The following PTK2B variants were observed in gnomAD, a reference collection of about 807,000 sequenced individuals.
The protein encoded by PTK2B is protein tyrosine kinase 2 beta, also known as protein-tyrosine kinase 2-beta.
A neutral mutation model predicts 142.9 loss-of-function variants in PTK2B; 71 were observed. The ratio of observed to expected loss-of-function variants is 0.50; its 90% CI spans 0.41 to 0.61. The LOEUF (loss-of-function observed/expected upper bound fraction) is 0.61. Ranked by LOEUF, PTK2B falls within the 20% of genes least tolerant of loss-of-function variation. PTK2B has a pLI of 0.00. For synonymous variants in PTK2B, 519 were observed against 503.4 expected, an observed-to-expected ratio of 1.03 and a Z score of -0.42; for missense variants, 1,105 against 1,320.4, an observed-to-expected ratio of 0.84 and a Z score of 2.53.
chr8:27,379,084 G>A (rs1333405068), intron 1 of PTK2B, among the ~76,000 whole-genome samples: 1 of 152,200 alleles, frequency 6.6e-6, no homozygotes, highest in Non-Finnish European at 1.5e-5. Flanking sequence ...CATGGGGAAT[G>A]TCAGTGCTTG....
At chr8:27,386,635 T>G (rs2131229725) in intron 1 of PTK2B, among the ~76,000 whole-genome samples, 1 of 152,318 alleles carries the variant, frequency 6.6e-6, no homozygotes, top group East Asian at 1.9e-4. Flanking sequence ...CAATTTGCAT[T>G]AAAATGAAAA....
Position 27,433,372 on chromosome 8 carries a change from C to T in PTK2B, c.988-63C>T, listed in dbSNP as rs550722539. 596 of 1,420,268 alleles carry T rather than the reference C, an allele frequency of 4.2e-4. 10 individuals carry two copies. In the South Asian group the frequency reaches 4.5e-3, roughly 11 times the overall value. The allele number at this position is 1,420,268 out of a possible 1,614,324, so 88.0% of individuals were successfully genotyped here. A position where few individuals can be genotyped will look rare whatever the true frequency, so the allele number is the denominator to read the frequency against. On this transcript the variant is annotated intron_variant, in intron 10 of 30. Coordinates refer to ENST00000346049, the MANE Select transcript of PTK2B (RefSeq NM_173176.3). Reference sequence around the variant, plus strand: ...AGGGGTCCTGCCATCTCTTCTCCAGCCCTGGGGGTGGTCTCTAGCCAAGGC... The same window carrying T: ...AGGGGTCCTGCCATCTCTTCTCCAGTCCTGGGGGTGGTCTCTAGCCAAGGC...
chr8:27,331,817 T>G (rs1310264905), intron 1 of PTK2B, among the ~76,000 whole-genome samples: 1 of 152,234 alleles, frequency 6.6e-6, no homozygotes, highest in Admixed American at 6.5e-5. Flanking sequence ...TTCTGATTTC[T>G]AAATTAATGT....
chr8:27,387,761 A>G (rs926132372), intron 1 of PTK2B, among the ~76,000 whole-genome samples: 1 of 151,076 alleles, frequency 6.6e-6, no homozygotes, highest in African/African-American at 2.4e-5. Flanking sequence ...CCTAAATCCT[A>G]TTTTTTAATC....
chr8:27,334,439 C>G (rs1199030790), intron 1 of PTK2B, among the ~76,000 whole-genome samples: 1 of 152,192 alleles, frequency 6.6e-6, no homozygotes, highest in African/African-American at 2.4e-5. Flanking sequence ...CCATGCACTT[C>G]ACCAGTCCTA....
At chr8:27,433,718 C>T (rs1810589582) in intron 11 of PTK2B, among the ~76,000 whole-genome samples, 166 bp downstream of exon 11, 1 of 152,250 alleles carries the variant, frequency 6.6e-6, no homozygotes, top group East Asian at 1.9e-4. Context: ...GCTTTAAGCC[C>T]TGGCCGGTCC....
chr8:27,325,771 G>C (rs1326909994), intron 1 of PTK2B, 90 bp downstream of exon 1: 1 of 152,356 alleles, frequency 6.6e-6, no homozygotes, highest in Non-Finnish European at 1.5e-5. Context: ...ACAATTCCGG[G>C]ATCCTGGGCA....
chr8:27,429,096 A>G (rs373406635), intron 5 of PTK2B, among the ~76,000 whole-genome samples: 3 of 152,122 alleles, frequency 2.0e-5, no homozygotes, highest in African/African-American at 7.2e-5. Flanking sequence ...TAGTAGAGAC[A>G]AGGTTTCACC....
intron 5 of PTK2B, among the ~76,000 whole-genome samples, chr8:27,427,279 T>A (rs547944968): frequency 2.2e-3 from 331 of 152,350 alleles, no homozygotes; most frequent in Non-Finnish European, 2.9e-3. Context: ...CAAGCCAGCC[T>A]AAGGGTCTCT....
intron 1 of PTK2B, among the ~76,000 whole-genome samples, chr8:27,372,519 C>T (rs1038525061): frequency 6.6e-6 from 1 of 152,166 alleles, no homozygotes; most frequent in South Asian, 2.1e-4. Context: ...GGCCCATTCT[C>T]GTTAGGGAGG....
At chr8:27,333,419 G>A (rs967763325) in intron 1 of PTK2B, among the ~76,000 whole-genome samples, 3 of 152,158 alleles carry the variant, frequency 2.0e-5, no homozygotes, top group Non-Finnish European at 4.4e-5. Context: ...GAGTGGATGA[G>A]AGTGAAGAGA....
At chr8:27,356,597 G>A (rs1260977061) in intron 1 of PTK2B, among the ~76,000 whole-genome samples, 1 of 152,216 alleles carries the variant, frequency 6.6e-6, no homozygotes, top group East Asian at 1.9e-4. Context: ...GAATTCTGAA[G>A]GCTCTGCAGC....
At chr8:27,382,311 T>C (rs747550361) in intron 1 of PTK2B, among the ~76,000 whole-genome samples, 2 of 152,188 alleles carry the variant, frequency 1.3e-5, no homozygotes, top group Non-Finnish European at 2.9e-5. Context: ...ATTATTATTA[T>C]TTACCATTGA....
intron 5 of PTK2B, among the ~76,000 whole-genome samples, chr8:27,429,786 G>C (rs1181320410): frequency 6.6e-6 from 1 of 152,172 alleles, no homozygotes; most frequent in Admixed American, 6.5e-5. Flanking sequence ...AGCATTGGCT[G>C]CCTTGGGCCT....
At chr8:27,419,257 C>A (rs961050403) in intron 2 of PTK2B, among the ~76,000 whole-genome samples, 1 of 152,182 alleles carries the variant, frequency 6.6e-6, no homozygotes, top group African/African-American at 2.4e-5. Context: ...TGTCCTTGCT[C>A]ATGTGGGGAT....
At position 27,363,315 on chromosome 8, in the gene PTK2B, T is replaced by A. The variant is rs373423289; in HGVS notation, c.-37-34233T>A. 1.3e-5 allele frequency among the ~76,000 whole-genome samples: 2 copies of A among 152,274 alleles called. No individual in the cohort carries two copies. The highest frequency in any genetic ancestry group is 1.3e-4 in the Admixed American group (2 of 15,302). On this transcript the variant is annotated intron_variant, in intron 1 of 30. Transcript: ENST00000346049. The surrounding 1 kb of genome is among the most constrained non-coding windows in gnomAD (Gnocchi z 4.3). ...GGAAGGCCTGGGAGAGCAGAGGAGC[T>A]GTTTTCCACTAGTGAAAGGTCAGGA... is the stretch of plus-strand genomic sequence containing the variant.
chr8:27,344,910 T>C (rs1363056266), intron 1 of PTK2B, among the ~76,000 whole-genome samples: 3 of 111,818 alleles, frequency 2.7e-5, no homozygotes, highest in Non-Finnish European at 5.7e-5. Context: ...TGGTGGCTCA[T>C]ACCTGTAATC....
At chr8:27,400,843 C>T (rs189437626) in intron 2 of PTK2B, among the ~76,000 whole-genome samples, 5 of 152,258 alleles carry the variant, frequency 3.3e-5, no homozygotes, top group African/African-American at 7.2e-5. Flanking sequence ...AGACAAGATT[C>T]GGGTGTCATT....
Position 27,434,631 on chromosome 8 carries a change from G to A in PTK2B, c.1192+72G>A, listed in dbSNP as rs560739062. 3.4e-5 allele frequency: 51 copies of A among 1,490,976 alleles called. No individual in the cohort carries two copies. The East Asian group carries it at 4.2e-4, about 12-fold the overall frequency. The allele number at this position is 1,490,976 out of a possible 1,614,324, so 92.4% of individuals were successfully genotyped here. A position where few individuals can be genotyped will look rare whatever the true frequency, so the allele number is the denominator to read the frequency against. On this transcript the variant is annotated intron_variant, in intron 13 of 30. Coordinates refer to ENST00000346049, the MANE Select transcript of PTK2B (RefSeq NM_173176.3). ...TGCTTGCTCCCCACTGCTTGCTCTCGTGACATTGCCGAGGGTTTCCTCCAA... is the reference window on the plus strand; with the variant it reads ...TGCTTGCTCCCCACTGCTTGCTCTCATGACATTGCCGAGGGTTTCCTCCAA...
Sources: gnomAD v4.1 joint callset for allele counts (sites outside exome capture counted in the v4.1 genomes callset) on GRCh38, gnomAD v4.1.1 for gene constraint, Gnocchi (gnomAD v3.1) non-coding constraint, MANE v1.5 for transcripts, NCBI Gene and HGNC (gene_info 2026-07-23, HGNC 2026-07-21) for gene names.